Variants in STK3 observed in about 807,000 individuals in gnomAD.
STK3 encodes the protein serine/threonine-protein kinase 3.
A neutral mutation model predicts 58.0 loss-of-function variants in STK3; 41 were observed. The ratio of observed to expected loss-of-function variants is 0.71; its 90% confidence interval spans 0.55 to 0.92. The LOEUF (loss-of-function observed/expected upper bound fraction) is 0.92. Among genes scored for constraint, STK3 ranks in the 40% least tolerant of loss-of-function variants. The probability of loss-of-function intolerance (pLI) is 0.00; values close to 1 mark genes in which losing one functional copy is unlikely to be tolerated. For synonymous variants in STK3, 170 were observed against 191.0 expected (o/e 0.89, Z 0.91); for missense variants, 479 against 602.7 (o/e 0.79, Z 2.15).
At chr8:98,840,009 C>T (rs1001270650) in intron 3 of STK3, among the ~76,000 whole-genome samples, 7 of 151,870 alleles carry the variant, frequency 4.6e-5, no homozygotes, top group Admixed American at 4.6e-4. Flanking sequence ...CAGATTTATG[C>T]TTAGTAAATG....
chr8:98,708,766 G>C (rs62532565), intron 4 of STK3, among the ~76,000 whole-genome samples: 43,531 of 152,002 alleles, frequency 0.29, 6,918 homozygotes, highest in Admixed American at 0.43. Context: ...AAGACCCTGT[G>C]AATTGACTGA....
At chr8:98,587,985 T>A (rs4735566) in intron 7 of STK3, among the ~76,000 whole-genome samples, 38,352 of 151,878 alleles carry the variant, frequency 0.25, 5,512 homozygotes, top group East Asian at 0.45. Context: ...TTTTAGCCTA[T>A]GTGTGTCTCT....
At chr8:98,671,100 T>C (rs1433267460) in intron 6 of STK3, among the ~76,000 whole-genome samples, 1 of 151,220 alleles carries the variant, frequency 6.6e-6, no homozygotes, top group Non-Finnish European at 1.5e-5. Flanking sequence ...AAGTAACATG[T>C]ATAACACACT....
chr8:98,858,677 A>G (rs1244654959), intron 3 of STK3, among the ~76,000 whole-genome samples: 1 of 151,826 alleles, frequency 6.6e-6, no homozygotes, highest in East Asian at 1.9e-4. Flanking sequence ...GTGGATCAAA[A>G]GGTCAAGCGA....
chr8:98,889,882 T>G (rs1838132595), intron 1 of STK3: 1 of 152,214 alleles, frequency 6.6e-6, no homozygotes, highest in Non-Finnish European at 1.5e-5. Context: ...TCAGAGATTA[T>G]CTACATGGTC....
At chr8:98,412,153 T>G (rs1818065377) in intron 3 of STK3, among the ~76,000 whole-genome samples, 2 of 152,270 alleles carry the variant, frequency 1.3e-5, no homozygotes, top group South Asian at 4.2e-4. Flanking sequence ...CGATAGTAGC[T>G]CCTCCTACCA....
the STK3 span, among the ~76,000 whole-genome samples, chr8:98,354,342 C>T: frequency 6.6e-6 from 1 of 152,160 alleles, no homozygotes; most frequent in Non-Finnish European, 1.5e-5. Flanking sequence ...GCCAATGAGA[C>T]TTCTGAGAAG....
intron 6 of STK3, among the ~76,000 whole-genome samples, chr8:98,677,542 AGAGGAAG>A (rs1823317249): frequency 6.6e-6 from 1 of 152,146 alleles, no homozygotes. Context: ...CAAAGGAGGA[AGAGGAAG>A]GAAGAAGGAA....
At chr8:98,926,134 A>C (rs1436945660) in intron 1 of STK3, among the ~76,000 whole-genome samples, 2 of 152,190 alleles carry the variant, frequency 1.3e-5, no homozygotes, top group Admixed American at 6.5e-5. Flanking sequence ...ATATAAGGAC[A>C]AAAGCTGTTG....
chr8:98,719,697 G>A (rs2131175500), intron 4 of STK3, among the ~76,000 whole-genome samples: 1 of 152,320 alleles, frequency 6.6e-6, no homozygotes, highest in African/African-American at 2.4e-5. Flanking sequence ...ATCAATCTAT[G>A]TGTTCATTTA....
intron 7 of STK3, among the ~76,000 whole-genome samples, chr8:98,587,538 T>C (rs562817933): frequency 3.3e-5 from 5 of 152,274 alleles, no homozygotes; most frequent in African/African-American, 9.6e-5. Flanking sequence ...AATTTTGGAA[T>C]AGGAGTGGTG....
rs148310026 is a variant in STK3 at position 98,729,017 on chromosome 8, G to A, written c.351+20259C>T. Reference sequence around the variant, plus strand: ...TACCATAAAGGCTATTACATGCAAGGTATTGATTCTAAGGGCACTTGGATA... The same window carrying A: ...TACCATAAAGGCTATTACATGCAAGATATTGATTCTAAGGGCACTTGGATA... On this transcript the variant is annotated intron_variant, in intron 4 of 10. Coordinates refer to ENST00000419617, the MANE Select transcript of STK3 (RefSeq NM_006281.4). Among the ~76,000 whole-genome samples, 526 of 152,178 alleles carry A rather than the reference G, an allele frequency of 3.5e-3. 5 individuals are homozygous for A. The highest frequency in any genetic ancestry group is 3.5e-3 in the Non-Finnish European group (241 of 68,004).
intron 6 of STK3, among the ~76,000 whole-genome samples, chr8:98,644,736 T>C (rs1396507675): frequency 6.6e-6 from 1 of 152,198 alleles, no homozygotes; most frequent in Non-Finnish European, 1.5e-5. Context: ...CTTTTTATTA[T>C]TTTAATTAAA....
At chr8:98,612,959 T>G (rs1817320720) in intron 6 of STK3, among the ~76,000 whole-genome samples, 2 of 152,136 alleles carry the variant, frequency 1.3e-5, no homozygotes, top group African/African-American at 4.8e-5. Flanking sequence ...GTACTTCCTC[T>G]CCAAACTGGC....
At chr8:98,618,186 C>G (rs1011337207) in intron 6 of STK3, among the ~76,000 whole-genome samples, 73 of 151,780 alleles carry the variant, frequency 4.8e-4, no homozygotes, top group Non-Finnish European at 8.1e-4. Context: ...TGTAATCCAG[C>G]ATATAAACAG....
intron 6 of STK3, among the ~76,000 whole-genome samples, chr8:98,615,105 T>G (rs958937255): frequency 5.9e-5 from 9 of 151,802 alleles, no homozygotes; most frequent in African/African-American, 2.2e-4. Flanking sequence ...AGCACGCAGC[T>G]GGAGATCTGA....
chr8:98,616,693 CA>C (rs1817756488), intron 6 of STK3, among the ~76,000 whole-genome samples: 1 of 151,436 alleles, frequency 6.6e-6, no homozygotes, highest in Non-Finnish European at 1.5e-5. Context: ...GTTAAACCAA[CA>C]AAGATCAAAA....
intron 4 of STK3, among the ~76,000 whole-genome samples, chr8:98,713,715 T>C (rs368382323): frequency 2.6e-5 from 4 of 152,212 alleles, no homozygotes; most frequent in South Asian, 2.1e-4. Flanking sequence ...GGAGCTGGTA[T>C]CATTCCTTCT....
At chr8:98,548,903 T>C (rs1316052366) in intron 8 of STK3, among the ~76,000 whole-genome samples, 1 of 152,302 alleles carries the variant, frequency 6.6e-6, no homozygotes, top group African/African-American at 2.4e-5. Flanking sequence ...CTGAGCCTAA[T>C]GCATTCAAGA....
Sources: allele counts gnomAD v4.1 joint callset (sites outside exome capture counted in the v4.1 genomes callset), GRCh38; gene constraint gnomAD v4.1.1; transcripts MANE v1.5; gene names NCBI Gene and HGNC (gene_info 2026-07-23, HGNC 2026-07-21).